The following MED1 variants were observed in gnomAD, a reference collection of about 807,000 sequenced individuals.
MED1 encodes mediator complex subunit 1.
A neutral mutation model predicts 121.3 loss-of-function variants in MED1; 17 were observed. That is an observed-to-expected ratio of 0.14 (90% CI 0.10 to 0.21). The LOEUF is 0.21. Among genes scored for constraint, MED1 ranks in the 10% least tolerant of loss-of-function variants. The pLI is 1.00. For synonymous variants in MED1, 661 were observed against 694.4 expected (o/e 0.95, Z 0.76); for missense variants, 1,558 against 1,919.4 (o/e 0.81, Z 3.52).
Position 39,410,498 on chromosome 17 carries a change from A to T in MED1, c.1723T>A (p.Leu575Met), listed in dbSNP as rs1234391620. The T allele has an allele frequency of 6.2e-7, 1 of 1,613,880 alleles. No individual in the cohort carries two copies. The highest frequency in any genetic ancestry group is 2.2e-5 in the East Asian group (1 of 44,888). Reference protein sequence around the residue: ...NTFPGGPITTLFNMSMSIKDR... With the variant: ...NTFPGGPITTMFNMSMSIKDR... Reference sequence around the variant, plus strand: ...TTGATGCTCATGCTCATATTAAACAAGGTGGTAATGGGACCCCCCGGAAAG... The same window carrying T: ...TTGATGCTCATGCTCATATTAAACATGGTGGTAATGGGACCCCCCGGAAAG... Residue 575 changes from leucine to methionine, a missense_variant, in exon 17 of 17, where the codon TTG (leucine) becomes ATG (methionine). Physicochemically the swap from Leu to Met is conservative, Grantham distance 15. This residue lies in a region of MED1 where 793 missense variants were observed against 898.2 expected (regional missense o/e 0.88). Coordinates refer to ENST00000300651, the MANE Select transcript of MED1 (RefSeq NM_004774.4).
intron 6 of MED1, among the ~76,000 whole-genome samples, chr17:39,437,746 G>C (rs958688575): frequency 4.0e-5 from 6 of 151,826 alleles, no homozygotes; most frequent in Non-Finnish European, 5.9e-5. Flanking sequence ...ATCAGCCTGG[G>C]CAACACGGTG....
At chr17:39,435,598 G>A (rs2048610722) in intron 6 of MED1, among the ~76,000 whole-genome samples, 1 of 152,036 alleles carries the variant, frequency 6.6e-6, no homozygotes, top group Non-Finnish European at 1.5e-5. Flanking sequence ...TATTAAGACA[G>A]CAAAAAGAAA....
intron 8 of MED1, 82 bp downstream of exon 8, chr17:39,431,860 T>C (rs2048567854): frequency 2.2e-6 from 2 of 916,936 alleles, no homozygotes; most frequent in East Asian, 2.5e-5. Context: ...ACAGGCTTAA[T>C]AGAGATGTAT....
chr17:39,451,176 C>T lies in MED1; in HGVS notation c.-114G>A, dbSNP rs1313965353. The T allele has an allele frequency of 4.1e-6, 5 of 1,219,558 alleles. No homozygotes were observed. The Admixed American group carries it at 7.6e-5, about 19-fold the overall frequency. The allele number at this position is 1,219,558 out of a possible 1,614,324, so 75.5% of individuals were successfully genotyped here. A position where few individuals can be genotyped will look rare whatever the true frequency, so the allele number is the denominator to read the frequency against. On this transcript the variant is annotated 5_prime_UTR_variant, in exon 1 of 17. Coordinates refer to ENST00000300651, the MANE Select transcript of MED1 (RefSeq NM_004774.4). ...GGACGCAGGGCACCAGCAGTCCCTA[C>T]TCTTCCCGGGAAGGATCAATCTGAA...
chr17:39,434,779 A>G (rs1297092648), intron 6 of MED1, among the ~76,000 whole-genome samples: 1 of 152,154 alleles, frequency 6.6e-6, no homozygotes, highest in Non-Finnish European at 1.5e-5. Context: ...ACAGGTGTGC[A>G]CCACCACACC....
intron 2 of MED1, 85 bp downstream of exon 2, chr17:39,447,713 T>C: frequency 2.1e-6 from 2 of 948,744 alleles, no homozygotes; most frequent in Non-Finnish European, 1.6e-6. Flanking sequence ...ATGAAGATAG[T>C]ATGAACACAT....
chr17:39,440,341 C>T lies in MED1; in HGVS notation c.399+45G>A. 1 of 1,517,972 alleles carries T rather than the reference C, an allele frequency of 6.6e-7. No individual in the cohort carries two copies. Among genetic ancestry groups the T allele is most frequent in the Non-Finnish European group, 8.8e-7 (1 of 1,139,798 alleles). 94.0% of individuals were successfully genotyped at this position (1,517,972 alleles called of 1,614,324 possible). ...ACAATTAATTTTAAAATTAATGTCC[C>T]TAAGTAAACCCCACAGATTCCAGTG... On this transcript the variant is annotated intron_variant, in intron 5 of 16. Coordinates refer to ENST00000300651, the MANE Select transcript of MED1 (RefSeq NM_004774.4). This position sits in a 1 kb window ranked among gnomAD's most constrained non-coding sequence, Gnocchi z 4.1.
At position 39,440,089 on chromosome 17, in the gene MED1, C is replaced by A. The variant is rs532076663; in HGVS notation, c.399+297G>T. ...AAGAAAAAGAAAGCAAGCAAGCAAG[C>A]AAGAAAGAAAGAAAGAAAAAAGAAA... On this transcript the variant is annotated intron_variant, in intron 5 of 16. Transcript: ENST00000300651. The surrounding 1 kb of genome is among the most constrained non-coding windows in gnomAD (Gnocchi z 4.1). Among the ~76,000 whole-genome samples, 232 of 129,256 alleles carry A rather than the reference C, an allele frequency of 1.8e-3. 2 individuals are homozygous for A. The highest frequency in any genetic ancestry group is 5.7e-3 in the African/African-American group (191 of 33,502). 84.8% of individuals were successfully genotyped at this position (129,256 alleles called of 152,430 possible).
intron 2 of MED1, among the ~76,000 whole-genome samples, chr17:39,447,090 G>C (rs1247345453): frequency 6.6e-6 from 1 of 151,954 alleles, no homozygotes; most frequent in Non-Finnish European, 1.5e-5. Context: ...CAGGGTCATA[G>C]TCAAAATGCA....
Position 39,410,649 on chromosome 17 carries a change from T to G in MED1, c.1572A>C (p.Ala524=). 6.2e-7 allele frequency: 1 copy of G among 1,614,182 alleles called. No homozygotes were observed. The highest frequency in any genetic ancestry group is 8.5e-7 in the Non-Finnish European group (1 of 1,180,030). ...CAACTGTCTCTGCAATGAGGGACAG[T>G]GCTGGGGTGTCGGCTTGAATGGTTT... ...KAETIQADTP[A]LSLIAETVED... The change falls in exon 17 of 17, where the codon GCA becomes GCC. Residue 524 remains alanine (A), a synonymous_variant. Transcript: ENST00000300651.
intron 2 of MED1, among the ~76,000 whole-genome samples, chr17:39,447,199 T>C (rs1031565133): frequency 2.6e-5 from 4 of 152,106 alleles, no homozygotes; most frequent in Non-Finnish European, 5.9e-5. Flanking sequence ...AAGACCAGCC[T>C]GACCAACATG....
Position 39,410,014 on chromosome 17 carries a change from G to GGCGTATCCA in MED1, c.2198_2206dup (p.Leu733_Thr735dup). The GGCGTATCCA allele has an allele frequency of 6.2e-7, 1 of 1,614,110 alleles. No individual in the cohort carries two copies. Among genetic ancestry groups the GGCGTATCCA allele is most frequent in the Non-Finnish European group, 8.5e-7 (1 of 1,180,024 alleles). On this transcript the variant is annotated inframe_insertion, in exon 17 of 17. Transcript: ENST00000300651. ...CTGGCTTGGAGCTGGAGTGATGTGT[G>GGCGTATCCA]GCGTATCCAGCGTGTCAGCTGTCAT...
intron 16 of MED1, 55 bp downstream of exon 16, chr17:39,414,971 C>T: frequency 1.3e-6 from 2 of 1,543,858 alleles, no homozygotes; most frequent in African/African-American, 1.4e-5. Flanking sequence ...CCCTACTCAA[C>T]AACATTCTTT....
At chr17:39,427,274 C>G (rs1045555057) in intron 10 of MED1, among the ~76,000 whole-genome samples, 6 of 152,022 alleles carry the variant, frequency 3.9e-5, no homozygotes, top group Non-Finnish European at 5.9e-5. Flanking sequence ...CTCCTCCTCC[C>G]GGGTTCAAGC....
chr17:39,423,837 G>C lies in MED1; in HGVS notation c.852-16C>G. Reference sequence around the variant, plus strand: ...GGAAGGGGTCCTTCAAAAAAAAGAGGGTGGAAGGGTTGGATTCTGACTTGA... The same window carrying C: ...GGAAGGGGTCCTTCAAAAAAAAGAGCGTGGAAGGGTTGGATTCTGACTTGA... On this transcript the variant is annotated splice_polypyrimidine_tract_variant and intron_variant, in intron 11 of 16. Transcript: ENST00000300651. The C allele has an allele frequency of 6.3e-7, 1 of 1,591,642 alleles. No homozygotes were observed.
At chr17:39,424,484 A>C (rs1386507333) in intron 11 of MED1, 143 bp downstream of exon 11, 2 of 602,222 alleles carry the variant, frequency 3.3e-6, no homozygotes, top group East Asian at 2.9e-5. Context: ...CTCAGATATC[A>C]AACAAAAGAG....
chr17:39,425,072 G>A (rs1416153489), intron 10 of MED1, among the ~76,000 whole-genome samples: 2 of 151,990 alleles, frequency 1.3e-5, no homozygotes, highest in East Asian at 1.9e-4. Context: ...GTAGAGATGG[G>A]GTTTCACCAT....
Position 39,410,481 on chromosome 17 carries a change from C to T in MED1, c.1740G>A (p.Met580Ile), listed in dbSNP as rs1343704526. 1.2e-6 allele frequency: 2 copies of T among 1,613,990 alleles called. No individual in the cohort carries two copies. Among genetic ancestry groups the T allele is most frequent in the Admixed American group, 1.7e-5 (1 of 59,994 alleles). ...CCGACTCATGCCGATCTTTGATGCT[C>T]ATGCTCATATTAAACAAGGTGGTAA... ...GPITTLFNMS[M>I]SIKDRHESVG... The change falls in exon 17 of 17, where the codon ATG (methionine) becomes ATA (isoleucine). Residue 580 changes from methionine (M) to isoleucine (I), a missense_variant. Met to Ile is a conservative substitution (Grantham distance 10). Around this residue, in one of 5 missense-constraint regions of MED1, gnomAD observed 793 missense variants for 898.2 expected, o/e 0.88. Transcript: ENST00000300651.
At position 39,408,920 on chromosome 17, in the gene MED1, A is replaced by G. The variant is rs1345545757; in HGVS notation, c.3301T>C (p.Ser1101Pro). ...SSGSKSHHSH[S>P]SSSSSSASTS... Reference sequence around the variant, plus strand: ...GAAGCAGATGAGGAAGAGGAGGAAGAATGGCTATGGTGGCTTTTGCTGCCT... The same window carrying G: ...GAAGCAGATGAGGAAGAGGAGGAAGGATGGCTATGGTGGCTTTTGCTGCCT... The change falls in exon 17 of 17, where the codon TCT (serine) becomes CCT (proline). Residue 1101 changes from serine (S) to proline (P), a missense_variant. Physicochemically the swap from Ser to Pro is moderately conservative, Grantham distance 74 (BLOSUM62 -1). Transcript: ENST00000300651. The surrounding 1 kb of genome is among the most constrained non-coding windows in gnomAD (Gnocchi z 4.7). 2 of 1,614,152 alleles carry G rather than the reference A, an allele frequency of 1.2e-6. No individual in the cohort carries two copies. The highest frequency in any genetic ancestry group is 1.7e-6 in the Non-Finnish European group (2 of 1,180,024).
Sources: gnomAD v4.1 joint callset for allele counts (sites outside exome capture counted in the v4.1 genomes callset) on GRCh38, gnomAD v4.1.1 for gene constraint, gnomAD v4.1.1 regional missense constraint, Gnocchi (gnomAD v3.1) non-coding constraint, MANE v1.5 for transcripts, NCBI Gene and HGNC (gene_info 2026-07-23, HGNC 2026-07-21) for gene names.